Variants in CHRNB4 observed in about 807,000 individuals in gnomAD.
CHRNB4 encodes cholinergic receptor nicotinic beta 4 subunit, also known as neuronal acetylcholine receptor subunit beta-4.
CHRNB4 carries 23 observed loss-of-function variants against 40.4 expected under a neutral mutation model. The ratio of observed to expected loss-of-function variants is 0.57; its 90% CI spans 0.41 to 0.81. The LOEUF is 0.81. Among genes scored for constraint, CHRNB4 ranks in the 30% least tolerant of loss-of-function variants. The probability of loss-of-function intolerance (pLI) is 0.00; values close to 1 mark genes in which losing one functional copy is unlikely to be tolerated. For missense variants in CHRNB4, 568 were observed against 670.6 expected (o/e 0.85, Z 1.69); for synonymous variants, 285 against 274.4 (o/e 1.04, Z -0.38).
intron 6 of CHRNB4, among the ~76,000 whole-genome samples, chr15:78,650,725 C>A (rs1286333735): frequency 6.6e-6 from 1 of 152,196 alleles, no homozygotes; most frequent in Non-Finnish European, 1.5e-5. Flanking sequence ...CGGTGTACAG[C>A]AAGTCAATCA....
In CHRNB4 at chr15:78,629,275, A is replaced by G; in HGVS notation, c.1030T>C (p.Phe344Leu). 6.2e-7 allele frequency: 1 copy of G among 1,613,356 alleles called. No individual in the cohort carries two copies. The highest frequency in any genetic ancestry group is 8.5e-7 in the Non-Finnish European group (1 of 1,179,562). Residue 344 changes from phenylalanine to leucine, a missense_variant, in exon 5 of 6, where the codon TTC (phenylalanine) becomes CTC (leucine). By Grantham distance (22) the Phe-to-Leu change is conservative. Coordinates refer to ENST00000261751, the MANE Select transcript of CHRNB4 (RefSeq NM_000750.5). The surrounding 1 kb of genome is among the most constrained non-coding windows in gnomAD (Gnocchi z 6.8). Reference sequence around the variant, plus strand: ...GGGCCAGGGCGCTTCATGAAGAGGAAGGTAGGCAGCTTGTGCAGGAAGCAG... The same window carrying G: ...GGGCCAGGGCGCTTCATGAAGAGGAGGGTAGGCAGCTTGTGCAGGAAGCAG... ...KRCFLHKLPT[F>L]LFMKRPGPDS...
chr15:78,626,340 G>A (rs1363901516), intron 5 of CHRNB4: 1 of 101,008 alleles, frequency 9.9e-6, no homozygotes, highest in East Asian at 3.3e-4. Flanking sequence ...TTTCAAGCGG[G>A]GGTGTGTGTG....
At chr15:78,660,848 C>T (rs2054246388), upstream of CHRNB4, 1 of 331,622 alleles carries the variant, frequency 3.0e-6, no homozygotes, top group Non-Finnish European at 5.8e-6. Context: ...TCAGCGGTTG[C>T]TGTGAGCTCC....
chr15:78,641,353 AC>A (rs2054071981), upstream of CHRNB4: 1 of 465,792 alleles, frequency 2.1e-6, no homozygotes, highest in Admixed American at 4.5e-5. Flanking sequence ...TCTGGACCCC[AC>A]CTGCCGCCTG....
At chr15:78,635,239 C>T (rs1203224026) in intron 2 of CHRNB4, among the ~76,000 whole-genome samples, 200 bp downstream of exon 2, 1 of 152,214 alleles carries the variant, frequency 6.6e-6, no homozygotes, top group East Asian at 1.9e-4. Flanking sequence ...CTCATTTCTT[C>T]TTTGTTAGAA....
intron 2 of CHRNB4, among the ~76,000 whole-genome samples, 172 bp downstream of exon 2, chr15:78,635,267 T>G (rs1370051332): frequency 1.3e-5 from 2 of 152,184 alleles, no homozygotes; most frequent in Non-Finnish European, 2.9e-5. Flanking sequence ...ATGACTTCAT[T>G]AAATATTGGA....
At chr15:78,630,970 A>C in intron 4 of CHRNB4, 106 bp downstream of exon 4, 1 of 848,820 alleles carries the variant, frequency 1.2e-6, no homozygotes, top group Non-Finnish European at 1.9e-6. Flanking sequence ...GGCTGGGTAA[A>C]GCAGAGATGG....
intron 2 of CHRNB4, 149 bp downstream of exon 2, chr15:78,635,290 T>C: frequency 1.1e-6 from 1 of 910,516 alleles, no homozygotes; most frequent in Non-Finnish European, 1.6e-6. Flanking sequence ...CCTATGAACT[T>C]CATGGACCCT....
chr15:78,648,753 CA>C (rs35846146), intron 7 of CHRNB4, among the ~76,000 whole-genome samples: 6,856 of 79,938 alleles, frequency 0.086, 421 homozygotes, highest in East Asian at 0.37. Flanking sequence ...GACTCTGTCT[CA>C]AAAAAAAAAA....
At chr15:78,655,466 C>CTATATCTATA (rs2054206681) in intron 5 of CHRNB4, 1 of 76,580 alleles carries the variant, frequency 1.3e-5, no homozygotes, top group African/African-American at 3.3e-5. Flanking sequence ...ATCTATATAT[C>CTATATCTATA]TATATCTATA....
rs1298821146 is a variant in CHRNB4 at position 78,626,339 on chromosome 15, GGGGTGTGTGTGT to G, written c.1339-1060_1339-1049del. On this transcript the variant is annotated intron_variant, in intron 5 of 5. Coordinates refer to ENST00000261751, the MANE Select transcript of CHRNB4 (RefSeq NM_000750.5). ...TTTTTAACAGCCCTAATTTCAAGCGGGGGTGTGTGTGTGTGTGTGTGTGTGTGTGTGTGTGTG... is the reference window on the plus strand; with the variant it reads ...TTTTTAACAGCCCTAATTTCAAGCGGGTGTGTGTGTGTGTGTGTGTGTGTG... 5.1e-3 allele frequency: 519 copies of G among 101,006 alleles called. 3 individuals carry two copies. The highest frequency in any genetic ancestry group is 0.018 in the African/African-American group (477 of 26,864). 6.3% of individuals were successfully genotyped at this position (101,006 alleles called of 1,614,324 possible). A position where few individuals can be genotyped will look rare whatever the true frequency, so the allele number is the denominator to read the frequency against.
intron 1 of CHRNB4, chr15:78,658,512 C>A (rs1194135146): frequency 6.6e-6 from 1 of 152,172 alleles, no homozygotes; most frequent in Non-Finnish European, 1.5e-5. Context: ...AACCGGGGGA[C>A]AAACCCAGTC....
intron 5 of CHRNB4, chr15:78,655,403 CATATCTATAT>C (rs975644201): frequency 6.1e-5 from 9 of 147,842 alleles, no homozygotes; most frequent in Non-Finnish European, 1.2e-4. Flanking sequence ...ATATACGTTA[CATATCTATAT>C]ATATCTATAT....
chr15:78,659,725 G>A (rs961203404), intron 1 of CHRNB4, among the ~76,000 whole-genome samples: 4 of 152,242 alleles, frequency 2.6e-5, no homozygotes, highest in African/African-American at 7.2e-5. Context: ...GACAGAGATA[G>A]TGAGGCAGGA....
chr15:78,624,554 CAGG>C lies in CHRNB4; in HGVS notation c.*576_*578del, dbSNP rs1363291981. On this transcript the variant is annotated 3_prime_UTR_variant, in exon 6 of 6. Coordinates refer to ENST00000261751, the MANE Select transcript of CHRNB4 (RefSeq NM_000750.5). Reference sequence around the variant, plus strand: ...CCGAGGCAGGTGGGTCATTTGAGGTCAGGAGTTCGAAATCAGCCTGGCCAACAA... The same window carrying C: ...CCGAGGCAGGTGGGTCATTTGAGGTCAGTTCGAAATCAGCCTGGCCAACAA... 3 of 159,076 alleles carry C rather than the reference CAGG, an allele frequency of 1.9e-5. No individual in the cohort carries two copies. The highest frequency in any genetic ancestry group is 4.1e-5 in the Non-Finnish European group (3 of 72,930). The allele number at this position is 159,076 out of a possible 1,614,324, so 9.9% of individuals were successfully genotyped here.
At chr15:78,626,224 CT>C in intron 5 of CHRNB4, 2 of 152,418 alleles carry the variant, frequency 1.3e-5, no homozygotes, top group Admixed American at 1.3e-4. Context: ...ACCCCGACAC[CT>C]GCAACCAAGC....
At position 78,657,564 on chromosome 15, in the gene CHRNB4, T is replaced by C. The variant is rs76186187; in HGVS notation, c.-760-181A>G. On this transcript the variant is annotated intron_variant and NMD_transcript_variant, in intron 2 of 11. Transcript: ENST00000559849. ...GCTAGAGGCATATTTATTTATTTAT[T>C]TATTTATGAGACGGAGTCTCACTCT... Among the ~76,000 whole-genome samples, 905 of 152,174 alleles carry C rather than the reference T, an allele frequency of 5.9e-3. 24 individuals carry two copies. The highest frequency in any genetic ancestry group is 0.053 in the East Asian group (275 of 5,150).
chr15:78,640,977 C>T, intron 1 of CHRNB4, 102 bp downstream of exon 1: 1 of 1,327,654 alleles, frequency 7.5e-7, no homozygotes, highest in Non-Finnish European at 1.0e-6. Context: ...CGGGCCACTC[C>T]CCCGGGCGCA....
At chr15:78,661,050 G>A (rs928923216), upstream of CHRNB4, 2 of 584,860 alleles carry the variant, frequency 3.4e-6, no homozygotes, top group African/African-American at 1.9e-5. Context: ...GTTAGTTTTT[G>A]TAGTCTCGGC....
Sources: allele counts gnomAD v4.1 joint callset (sites outside exome capture counted in the v4.1 genomes callset), GRCh38; gene constraint gnomAD v4.1.1; non-coding constraint Gnocchi (gnomAD v3.1); transcripts MANE v1.5; gene names NCBI Gene and HGNC (gene_info 2026-07-23, HGNC 2026-07-21).